The following ADGRB3 variants were observed in gnomAD, a reference collection of about 807,000 sequenced individuals.
ADGRB3 encodes brain-specific angiogenesis inhibitor 3.
A neutral mutation model predicts 193.4 loss-of-function variants in ADGRB3; 37 were observed. The ratio of observed to expected loss-of-function variants is 0.19; its 90% CI spans 0.15 to 0.25. The LOEUF is 0.25. ADGRB3 is among the 10% of genes least tolerant of loss of function. The probability of loss-of-function intolerance (pLI) is 1.00; values close to 1 mark genes in which losing one functional copy is unlikely to be tolerated. For missense variants in ADGRB3, 1,637 were observed against 1,852.9 expected (o/e 0.88, Z 2.14); for synonymous variants, 690 against 644.2 (o/e 1.07, Z -1.08).
At chr6:68,966,270 T>C (rs1452410747) in intron 8 of ADGRB3, among the ~76,000 whole-genome samples, 1 of 152,152 alleles carries the variant, frequency 6.6e-6, no homozygotes, top group Non-Finnish European at 1.5e-5. Flanking sequence ...ATCATTTAGA[T>C]TGTGGTAGGC....
intron 11 of ADGRB3, among the ~76,000 whole-genome samples, chr6:69,008,724 G>A (rs1005350615): frequency 6.6e-6 from 1 of 152,064 alleles, no homozygotes; most frequent in Non-Finnish European, 1.5e-5. Context: ...GCTTGTTGCT[G>A]CATGTGAGTT....
At chr6:69,112,519 A>G (rs1399634735) in intron 17 of ADGRB3, among the ~76,000 whole-genome samples, 1 of 152,068 alleles carries the variant, frequency 6.6e-6, no homozygotes, top group Admixed American at 6.5e-5. Flanking sequence ...TCACAAGCAC[A>G]TTTCTCCATG....
intron 3 of ADGRB3, among the ~76,000 whole-genome samples, chr6:68,884,510 A>AC: frequency 6.6e-6 from 1 of 152,268 alleles, no homozygotes; most frequent in East Asian, 1.9e-4. Context: ...ATAAGTTAGT[A>AC]TTTCAGGCAG....
intron 3 of ADGRB3, among the ~76,000 whole-genome samples, chr6:68,912,893 C>T (rs1314262335): frequency 1.3e-5 from 2 of 152,158 alleles, no homozygotes; most frequent in East Asian, 1.9e-4. Flanking sequence ...TAAAAAACGG[C>T]GCACCAGGAG....
intron 24 of ADGRB3, 94 bp downstream of exon 24, chr6:69,333,102 AATTTTGTTATTG>A (rs113046536): frequency 0.19 from 254,455 of 1,355,902 alleles, 26,831 homozygotes; most frequent in African/African-American, 0.43. Context: ...CTCTGCCTTG[AATTTTGTTATTG>A]ATGTACTAGT....
At chr6:69,289,060 G>A (rs528019665) in intron 20 of ADGRB3, among the ~76,000 whole-genome samples, 51 of 152,228 alleles carry the variant, frequency 3.4e-4, no homozygotes, top group African/African-American at 1.1e-3. Flanking sequence ...GGAGAGAAGG[G>A]TCCCTATCCT....
rs913608447 is a variant in ADGRB3 at position 69,369,695 on chromosome 6, CAAAA to C, written c.4240-2695_4240-2692del. On this transcript the variant is annotated intron_variant, in intron 29 of 31. Transcript: ENST00000370598. The stretch of plus-strand genomic sequence containing the variant: ...CCTGGGTGACAGAGCAAGACCATTT[CAAAA>C]AAAAAAAAAAAAAAAGAGAGAGCGA... Among the ~76,000 whole-genome samples the C allele has an allele frequency of 4.0e-4, 24 of 59,520 alleles. No individual in the cohort carries two copies. The South Asian group carries it at 0.012, about 29-fold the overall frequency. The allele number at this position is 59,520 out of a possible 152,430, so 39.0% of individuals were successfully genotyped here.
At chr6:68,972,828 G>A (rs1236662805) in intron 8 of ADGRB3, among the ~76,000 whole-genome samples, 1 of 152,196 alleles carries the variant, frequency 6.6e-6, no homozygotes, top group Non-Finnish European at 1.5e-5. Flanking sequence ...AGGGGTTGGT[G>A]GAGGAGTGTT....
chr6:69,031,568 C>CTTTCTTTCT (rs1470963236), intron 13 of ADGRB3, among the ~76,000 whole-genome samples: 1 of 2,758 alleles, frequency 3.6e-4, no homozygotes, highest in Non-Finnish European at 1.0e-3. Context: ...TCTTTCTTTT[C>CTTTCTTTCT]TTCCTCTGTC....
intron 20 of ADGRB3, among the ~76,000 whole-genome samples, chr6:69,304,483 T>C (rs1768022509): frequency 6.6e-6 from 1 of 151,700 alleles, no homozygotes; most frequent in Admixed American, 6.6e-5. Flanking sequence ...CTAATTAAAA[T>C]GTAACTACAT....
intron 3 of ADGRB3, among the ~76,000 whole-genome samples, chr6:68,652,426 C>G (rs78703940): frequency 6.6e-6 from 1 of 152,064 alleles, no homozygotes. Flanking sequence ...CTGTCTGGAG[C>G]GAGTTTGTCC....
chr6:69,294,024 A>G (rs529565542), intron 20 of ADGRB3, among the ~76,000 whole-genome samples: 2 of 152,200 alleles, frequency 1.3e-5, no homozygotes, highest in East Asian at 1.9e-4. Flanking sequence ...TCTTCCTCCT[A>G]TTGCTAATCT....
intron 29 of ADGRB3, 26 bp downstream of exon 29, chr6:69,361,538 C>T: frequency 6.3e-7 from 1 of 1,591,632 alleles, no homozygotes; most frequent in Non-Finnish European, 8.6e-7. Flanking sequence ...TTAAATTTTT[C>T]CTTGATAGTT....
At chr6:68,861,102 G>A (rs1246943760) in intron 3 of ADGRB3, among the ~76,000 whole-genome samples, 4 of 152,116 alleles carry the variant, frequency 2.6e-5, no homozygotes, top group African/African-American at 4.8e-5. Flanking sequence ...CTGGGCCACT[G>A]TCTGAGAACC....
chr6:68,975,207 C>T (rs754035153), intron 9 of ADGRB3, 27 bp from the exon 10 acceptor site: 4 of 1,580,788 alleles, frequency 2.5e-6, no homozygotes, highest in Non-Finnish European at 2.6e-6. Flanking sequence ...TATTATAAAG[C>T]TTCTCTCTGT....
intron 20 of ADGRB3, among the ~76,000 whole-genome samples, chr6:69,318,071 T>A (rs1283465): frequency 0.45 from 67,700 of 151,098 alleles, 17,240 homozygotes; most frequent in African/African-American, 0.69. Context: ...TATCTTTATT[T>A]TTGTCTTTTC....
intron 3 of ADGRB3, among the ~76,000 whole-genome samples, chr6:68,664,738 A>G (rs573621384): frequency 6.6e-4 from 100 of 151,816 alleles, no homozygotes; most frequent in Non-Finnish European, 1.4e-3. Context: ...CCAGGGATTC[A>G]CAGTGGTAGA....
At position 68,788,091 on chromosome 6, in the gene ADGRB3, T is replaced by C. The variant is rs919775606; in HGVS notation, c.758-142468T>C. On this transcript the variant is annotated intron_variant, in intron 3 of 31. Transcript: ENST00000370598. ...CAGCAGTCTATCAATTTTGTTGATC[T>C]TTTCAAAAAACCAGCTCCTGGATTC... Among the ~76,000 whole-genome samples, 5 of 152,266 alleles carry C rather than the reference T, an allele frequency of 3.3e-5. No homozygotes were observed. In the South Asian group the frequency reaches 6.2e-4, roughly 19 times the overall value.
chr6:69,151,718 A>T (rs1774684539), intron 17 of ADGRB3, among the ~76,000 whole-genome samples: 2 of 152,168 alleles, frequency 1.3e-5, no homozygotes, highest in South Asian at 4.1e-4. Context: ...TTCTGATACC[A>T]TAAATGGTTT....
Sources: gnomAD v4.1 joint callset for allele counts (sites outside exome capture counted in the v4.1 genomes callset) on GRCh38, gnomAD v4.1.1 for gene constraint, MANE v1.5 for transcripts, NCBI Gene and HGNC (gene_info 2026-07-23, HGNC 2026-07-21) for gene names.